Variants in FMN1 observed in about 807,000 individuals in gnomAD.
FMN1 encodes formin-1.
Under a neutral mutation model 132.4 loss-of-function variants are expected in FMN1, and 110 were observed. The ratio of observed to expected loss-of-function variants is 0.83; its 90% confidence interval spans 0.71 to 0.97. The LOEUF (loss-of-function observed/expected upper bound fraction) is 0.97. Among genes scored for constraint, FMN1 ranks in the 50% least tolerant of loss-of-function variants. The probability of loss-of-function intolerance (pLI) is 0.00; values close to 1 mark genes in which losing one functional copy is unlikely to be tolerated. For synonymous variants in FMN1, 722 were observed against 651.7 expected, an observed-to-expected ratio of 1.11 and a Z score of -1.64; for missense variants, 1,792 against 1,705.3, an observed-to-expected ratio of 1.05 and a Z score of -0.90.
At position 33,153,402 on chromosome 15, in the gene FMN1, T is replaced by G. The variant is rs1964530176; in HGVS notation, c.1513A>C (p.Asn505His). The change falls in exon 4 of 21, where the codon AAT becomes CAT. Residue 505 changes from asparagine (N) to histidine (H), a missense_variant. Physicochemically the swap from Asn to His is moderately conservative, Grantham distance 68. Coordinates refer to ENST00000616417, the MANE Select transcript of FMN1 (RefSeq NM_001277313.2). ...PAPAALGKVFNNSASQSSTHK... is the reference protein window; with the variant it reads ...PAPAALGKVFHNSASQSSTHK... ...GTGCTGGACTGCGAGGCTGAATTATTAAACACCTTGCCAAGAGCTGCCGGT... is the reference window on the plus strand; with the variant it reads ...GTGCTGGACTGCGAGGCTGAATTATGAAACACCTTGCCAAGAGCTGCCGGT... 6.5e-7 allele frequency: 1 copy of G among 1,536,696 alleles called. No homozygotes were observed. The highest frequency in any genetic ancestry group is 1.4e-5 in the African/African-American group (1 of 73,152).
chr15:32,908,451 C>T, intron 12 of FMN1, 39 bp downstream of exon 12: 1 of 1,348,172 alleles, frequency 7.4e-7, no homozygotes, highest in Non-Finnish European at 1.1e-6. Context: ...AATTGCAGTT[C>T]TCCTTTTGGC....
intron 9 of FMN1, among the ~76,000 whole-genome samples, chr15:32,957,866 G>A (rs1053884422): frequency 6.6e-6 from 1 of 152,156 alleles, no homozygotes; most frequent in African/African-American, 2.4e-5. Context: ...AGAGATAGTA[G>A]CAAGTGGTGG....
At chr15:32,980,851 T>G (rs930001002) in intron 7 of FMN1, among the ~76,000 whole-genome samples, 1 of 152,048 alleles carries the variant, frequency 6.6e-6, no homozygotes. Context: ...TCTCTACTAG[T>G]AACACACAAA....
intron 19 of FMN1, among the ~76,000 whole-genome samples, chr15:32,786,163 G>C (rs946293044): frequency 1.3e-5 from 2 of 152,150 alleles, no homozygotes; most frequent in African/African-American, 4.8e-5. Context: ...CAGGAGTTCA[G>C]AATCTCTCTA....
chr15:33,053,872 G>A (rs905424094), intron 6 of FMN1, among the ~76,000 whole-genome samples: 1 of 151,336 alleles, frequency 6.6e-6, no homozygotes, highest in Non-Finnish European at 1.5e-5. Context: ...ATGGTTTAGC[G>A]TTCTTTCCTT....
At chr15:33,050,678 T>TA (rs1434661322) in intron 6 of FMN1, among the ~76,000 whole-genome samples, 1 of 152,250 alleles carries the variant, frequency 6.6e-6, no homozygotes, top group Non-Finnish European at 1.5e-5. Context: ...GTGTAGTATC[T>TA]ACCAAGTAAT....
At chr15:33,143,019 A>G (rs1394992433) in intron 4 of FMN1, among the ~76,000 whole-genome samples, 1 of 152,244 alleles carries the variant, frequency 6.6e-6, no homozygotes, top group East Asian at 1.9e-4. Flanking sequence ...GGATTTTACA[A>G]TGAAGTTAAA....
intron 12 of FMN1, among the ~76,000 whole-genome samples, chr15:32,904,275 G>C (rs924701553): frequency 1.3e-5 from 2 of 152,194 alleles, no homozygotes; most frequent in Non-Finnish European, 2.9e-5. Context: ...CACAACATGT[G>C]AGAAACTGCC....
intron 16 of FMN1, among the ~76,000 whole-genome samples, chr15:32,881,323 A>G (rs560651353): frequency 6.6e-6 from 1 of 152,286 alleles, no homozygotes; most frequent in African/African-American, 2.4e-5. Context: ...CTCACCTCCT[A>G]TCACTCCTGG....
chr15:33,184,795 C>T (rs188181125), intron 2 of FMN1, among the ~76,000 whole-genome samples: 8 of 152,296 alleles, frequency 5.3e-5, no homozygotes, highest in South Asian at 2.1e-4. Context: ...AGAACCACCG[C>T]GCCCAGCTAT....
chr15:33,124,016 T>C (rs1348236087), intron 4 of FMN1, among the ~76,000 whole-genome samples: 2 of 152,156 alleles, frequency 1.3e-5, no homozygotes, highest in Non-Finnish European at 2.9e-5. Flanking sequence ...TCCCAACTAT[T>C]CCAGCAAAGG....
intron 7 of FMN1, among the ~76,000 whole-genome samples, chr15:33,001,723 C>T (rs1022728955): frequency 3.4e-5 from 5 of 149,188 alleles, no homozygotes; most frequent in Non-Finnish European, 5.9e-5. Context: ...CCTCCTCCTC[C>T]TCCTCTTCTT....
At chr15:33,050,800 T>C (rs2036932681) in intron 6 of FMN1, among the ~76,000 whole-genome samples, 2 of 152,238 alleles carry the variant, frequency 1.3e-5, no homozygotes, top group Admixed American at 1.3e-4. Context: ...TGAAAGATTC[T>C]GAGCAATCAA....
intron 9 of FMN1, 55 bp downstream of exon 9, chr15:32,964,052 T>G: frequency 1.2e-6 from 1 of 814,112 alleles, no homozygotes; most frequent in Admixed American, 2.7e-5. Flanking sequence ...CACACACATA[T>G]ATACCATTTC....
At chr15:32,983,915 T>A (rs1031075024) in intron 7 of FMN1, among the ~76,000 whole-genome samples, 3 of 152,206 alleles carry the variant, frequency 2.0e-5, no homozygotes, top group African/African-American at 7.2e-5. Context: ...ACATTCAGTA[T>A]CATTCTTACA....
intron 12 of FMN1, among the ~76,000 whole-genome samples, chr15:32,903,965 C>G (rs1351300901): frequency 3.9e-5 from 6 of 152,174 alleles, no homozygotes; most frequent in Admixed American, 1.3e-4. Context: ...TTTTACATTA[C>G]TTTTGGAAAG....
rs545505340 is a variant in FMN1, at chr15:33,148,692, G to A, written c.1867+4356C>T. On this transcript the variant is annotated intron_variant, in intron 4 of 20. Coordinates refer to ENST00000616417, the MANE Select transcript of FMN1 (RefSeq NM_001277313.2). ...AGTGACCACGCACGCCTTCCCTTGC[G>A]CCTTCAGCCTTGCAGGTATCTGTTT... is the stretch of plus-strand genomic sequence containing the variant. 3.3e-5 allele frequency among the ~76,000 whole-genome samples: 5 copies of A among 152,216 alleles called. No individual in the cohort carries two copies. The East Asian group carries it at 5.8e-4, about 18-fold the overall frequency.
At chr15:33,129,797 T>G (rs1963455799) in intron 4 of FMN1, among the ~76,000 whole-genome samples, 1 of 150,532 alleles carries the variant, frequency 6.6e-6, no homozygotes, top group Non-Finnish European at 1.5e-5. Flanking sequence ...ATTTTTTTTT[T>G]TTTTTTTTTT....
chr15:32,830,832 G>A (rs751550835), intron 17 of FMN1, among the ~76,000 whole-genome samples: 5 of 152,146 alleles, frequency 3.3e-5, no homozygotes, highest in African/African-American at 1.2e-4. Flanking sequence ...TAGGAGCAGC[G>A]AGGGCCCTGG....
Sources: gnomAD v4.1 joint callset for allele counts (sites outside exome capture counted in the v4.1 genomes callset) on GRCh38, gnomAD v4.1.1 for gene constraint, MANE v1.5 for transcripts, NCBI Gene and HGNC (gene_info 2026-07-23, HGNC 2026-07-21) for gene names.